The following FLNB variants were observed in gnomAD, a reference collection of about 807,000 sequenced individuals.
FLNB encodes the protein filamin-B.
Under a neutral mutation model 250.6 loss-of-function variants are expected in FLNB, and 111 were observed. That is an observed-to-expected ratio of 0.44 (90% CI 0.38 to 0.52). The LOEUF (loss-of-function observed/expected upper bound fraction) is 0.52. Ranked by LOEUF, FLNB falls within the 20% of genes least tolerant of loss-of-function variation. The pLI is 0.00. For synonymous variants in FLNB, 1,302 were observed against 1,372.1 expected (o/e 0.95, Z 1.13); for missense variants, 2,869 against 3,447.8 (o/e 0.83, Z 4.20).
chr3:58,153,295 T>G, intron 38 of FLNB, 80 bp from the exon 39 acceptor site: 1 of 1,545,920 alleles, frequency 6.5e-7, no homozygotes, highest in Admixed American at 1.7e-5. Context: ...TGCTCTCGGC[T>G]GCTTGCCCTG....
rs141978879 is a variant in FLNB, at chr3:58,136,221, C to T, written c.4861+53C>T. The T allele has an allele frequency of 7.1e-4, 1,119 of 1,572,304 alleles. 10 individuals are homozygous for T. The East Asian group carries it at 0.012, about 16-fold the overall frequency. Reference sequence around the variant, plus strand: ...GGCACAGGCTTTGCAATCAGAAAGCCGGGCCGTAGCCCTTCTCTGTGACTT... The same window carrying T: ...GGCACAGGCTTTGCAATCAGAAAGCTGGGCCGTAGCCCTTCTCTGTGACTT... On this transcript the variant is annotated intron_variant, in intron 28 of 45. Coordinates refer to ENST00000295956, the MANE Select transcript of FLNB (RefSeq NM_001457.4).
chr3:58,124,787 G>A (rs765004758), intron 22 of FLNB, among the ~76,000 whole-genome samples: 8 of 151,984 alleles, frequency 5.3e-5, no homozygotes, highest in African/African-American at 9.7e-5. Context: ...TTTTCTTTGC[G>A]TATGAATTTC....
At chr3:58,163,496 G>C in intron 43 of FLNB, 166 bp downstream of exon 43, 1 of 670,844 alleles carries the variant, frequency 1.5e-6, no homozygotes, top group Non-Finnish European at 2.6e-6. Flanking sequence ...TTTGGGAGTT[G>C]CGGTTTGACC....
Position 58,008,452 on chromosome 3 carries a change from G to A in FLNB, c.-113G>A, listed in dbSNP as rs1041265619. The A allele has an allele frequency of 1.5e-5, 20 of 1,293,880 alleles. No individual in the cohort carries two copies. The African/African-American group carries it at 2.8e-4, about 18-fold the overall frequency. The allele number at this position is 1,293,880 out of a possible 1,614,324, so 80.1% of individuals were successfully genotyped here. A position where few individuals can be genotyped will look rare whatever the true frequency, so the allele number is the denominator to read the frequency against. ...AGCACCGGCCGTGGCTCCGGTAGCA[G>A]CAAGTTCGAACCCCGCTCCCGCTCC... is the stretch of plus-strand genomic sequence containing the variant. On this transcript the variant is annotated 5_prime_UTR_variant, in exon 1 of 46. Coordinates refer to ENST00000295956, the MANE Select transcript of FLNB (RefSeq NM_001457.4).
At chr3:58,041,364 C>G (rs1336328946) in intron 1 of FLNB, among the ~76,000 whole-genome samples, 1 of 152,226 alleles carries the variant, frequency 6.6e-6, no homozygotes, top group East Asian at 1.9e-4. Flanking sequence ...TGTGCATTGT[C>G]TCTTCCCGCT....
At chr3:58,168,927 A>T in intron 44 of FLNB, 1 of 452,618 alleles carries the variant, frequency 2.2e-6, no homozygotes. Flanking sequence ...AATCTTACGT[A>T]TTTGTTTAGA....
intron 12 of FLNB, 79 bp downstream of exon 12, chr3:58,106,952 A>G: frequency 9.1e-7 from 1 of 1,104,638 alleles, no homozygotes; most frequent in Non-Finnish European, 1.4e-6. Context: ...TGCCTTAAGC[A>G]GCATGTTGAG....
chr3:58,070,608 G>A (rs1426039392), intron 1 of FLNB, among the ~76,000 whole-genome samples: 1 of 151,774 alleles, frequency 6.6e-6, no homozygotes, highest in Non-Finnish European at 1.5e-5. Flanking sequence ...GTGCGAGTGT[G>A]TGTGGCCTTG....
chr3:58,071,654 C>T (rs749680188), intron 1 of FLNB, among the ~76,000 whole-genome samples: 3 of 152,182 alleles, frequency 2.0e-5, no homozygotes, highest in African/African-American at 7.2e-5. Context: ...AAAGGATGAC[C>T]TATTCCTTCT....
In FLNB at chr3:58,096,027, G is replaced by C. The variant is rs536980145; in HGVS notation, c.907-114G>C. The C allele has an allele frequency of 4.0e-5, 32 of 790,548 alleles. No homozygotes were observed. The East Asian group carries it at 8.2e-4, about 20-fold the overall frequency. The allele number at this position is 790,548 out of a possible 1,614,324, so 49.0% of individuals were successfully genotyped here. A position where few individuals can be genotyped will look rare whatever the true frequency, so the allele number is the denominator to read the frequency against. On this transcript the variant is annotated intron_variant, in intron 5 of 45. Transcript: ENST00000295956. ...CGTTGTGCAAGAGGGACAGGAGCTCGCCAGCACCTTCAGTGTTTCCGACCT... is the reference window on the plus strand; with the variant it reads ...CGTTGTGCAAGAGGGACAGGAGCTCCCCAGCACCTTCAGTGTTTCCGACCT...
chr3:58,093,366 G>A (rs1160374613), intron 4 of FLNB, among the ~76,000 whole-genome samples: 1 of 152,134 alleles, frequency 6.6e-6, no homozygotes, highest in Non-Finnish European at 1.5e-5. Flanking sequence ...GCTAAGTCAC[G>A]TAGGCGTGAT....
intron 10 of FLNB, 118 bp downstream of exon 10, chr3:58,104,203 T>C (rs963991781): frequency 4.9e-6 from 5 of 1,025,246 alleles, no homozygotes; most frequent in Non-Finnish European, 6.9e-6. Context: ...GAAAACTTTT[T>C]TTTTTTTTTT....
At chr3:58,153,780 C>T (rs2097349038) in intron 39 of FLNB, 139 bp downstream of exon 39, 2 of 1,008,560 alleles carry the variant, frequency 2.0e-6, no homozygotes, top group Admixed American at 2.0e-5. Flanking sequence ...TAAAACAAGG[C>T]ATCATGACTA....
intron 17 of FLNB, 124 bp from the exon 18 acceptor site, chr3:58,112,025 T>C: frequency 8.5e-7 from 1 of 1,175,484 alleles, no homozygotes; most frequent in Non-Finnish European, 1.3e-6. Context: ...GATGCAGCAG[T>C]GGCTGGCCAG....
At chr3:58,099,542 C>CTGTTTTGTTTTGTTT (rs575161175) in intron 8 of FLNB, among the ~76,000 whole-genome samples, 1 of 151,986 alleles carries the variant, frequency 6.6e-6, no homozygotes, top group African/African-American at 2.4e-5. Context: ...CCCTTTTTTT[C>CTGTTTTGTTTTGTTT]TGTTTTGTTT....
intron 1 of FLNB, among the ~76,000 whole-genome samples, chr3:58,057,551 G>A (rs1353796775): frequency 6.6e-6 from 1 of 151,644 alleles, no homozygotes; most frequent in Non-Finnish European, 1.5e-5. Flanking sequence ...ATTAGATGAT[G>A]GCTGCTGGGC....
chr3:58,168,077 C>G (rs9864311), intron 43 of FLNB, among the ~76,000 whole-genome samples: 159 of 152,328 alleles, frequency 1.0e-3, no homozygotes, highest in African/African-American at 3.7e-3. Context: ...CCCCACACCC[C>G]TGGAGGGAGA....
At chr3:58,044,209 T>C (rs1257335706) in intron 1 of FLNB, among the ~76,000 whole-genome samples, 1 of 152,140 alleles carries the variant, frequency 6.6e-6, no homozygotes, top group Non-Finnish European at 1.5e-5. Flanking sequence ...AGTCTGTGCT[T>C]AATGAAGTTG....
chr3:58,123,574 C>T lies in FLNB; in HGVS notation c.3608C>T (p.Thr1203Met), dbSNP rs750177565. ...TYVPLTAGMYTLTMKYGGELV... is the reference protein window; with the variant it reads ...TYVPLTAGMYMLTMKYGGELV... ...GTGCCCCTGACGGCCGGCATGTACA[C>T]GTTGACCATGAAGTATGGTGGCGAA... Residue 1203 changes from threonine (T) to methionine (M), a missense_variant, in exon 21 of 46, where the codon ACG (threonine) becomes ATG (methionine). Around this residue, in one of 5 missense-constraint regions of FLNB, gnomAD observed 1,348 missense variants for 1,466.7 expected, o/e 0.92. Transcript: ENST00000295956. 3.7e-5 allele frequency: 59 copies of T among 1,612,154 alleles called. No homozygotes were observed. In the South Asian group the frequency reaches 4.7e-4, roughly 13 times the overall value.
Sources: allele counts gnomAD v4.1 joint callset (sites outside exome capture counted in the v4.1 genomes callset), GRCh38; gene constraint gnomAD v4.1.1; regional missense constraint gnomAD v4.1.1; transcripts MANE v1.5; gene names NCBI Gene and HGNC (gene_info 2026-07-23, HGNC 2026-07-21).